KIT: variants seen among roughly 807,000 people sequenced by gnomAD.
The protein encoded by KIT is mast/stem cell growth factor receptor Kit.
A neutral mutation model predicts 105.7 loss-of-function variants in KIT; 16 were observed. The ratio of observed to expected loss-of-function variants is 0.15; its 90% CI spans 0.10 to 0.23. KIT has a LOEUF of 0.23. Ranked by LOEUF, KIT falls within the 10% of genes least tolerant of loss-of-function variation. The probability of loss-of-function intolerance (pLI) is 1.00; values close to 1 mark genes in which losing one functional copy is unlikely to be tolerated. For missense variants in KIT, 858 were observed against 1,213.8 expected (o/e 0.71, Z 4.36); for synonymous variants, 438 against 441.1 (o/e 0.99, Z 0.09).
intron 1 of KIT, among the ~76,000 whole-genome samples, chr4:54,671,172 G>T (rs1393315549): frequency 6.6e-6 from 1 of 152,156 alleles, no homozygotes; most frequent in Non-Finnish European, 1.5e-5. Context: ...TCCATGAAAT[G>T]ATAAGCTCTC....
At chr4:54,733,367 C>T (rs757471689) in intron 17 of KIT, 175 bp downstream of exon 17, 1 of 610,994 alleles carries the variant, frequency 1.6e-6, no homozygotes, top group Non-Finnish European at 2.9e-6. Context: ...AACATTACTA[C>T]AACTAACATT....
chr4:54,668,645 C>G (rs1178867166), intron 1 of KIT, among the ~76,000 whole-genome samples: 1 of 152,174 alleles, frequency 6.6e-6, no homozygotes, highest in Non-Finnish European at 1.5e-5. Context: ...AGAAGTATTT[C>G]TAGAACAGGA....
intron 1 of KIT, among the ~76,000 whole-genome samples, chr4:54,668,522 A>C (rs1005567442): frequency 6.6e-6 from 1 of 152,256 alleles, no homozygotes; most frequent in Non-Finnish European, 1.5e-5. Context: ...AGTAATTTAA[A>C]TATAATGGCC....
chr4:54,724,492 G>A (rs540399576), intron 8 of KIT, among the ~76,000 whole-genome samples: 2 of 152,294 alleles, frequency 1.3e-5, no homozygotes, highest in Admixed American at 1.3e-4. Flanking sequence ...ATACTAAGTA[G>A]GGTTCAAGGC....
At chr4:54,658,913 C>T (rs3756197) in intron 1 of KIT, among the ~76,000 whole-genome samples, 45,736 of 152,122 alleles carry the variant, frequency 0.3, 7,654 homozygotes, top group Admixed American at 0.41. Flanking sequence ...CCCGGGGCGG[C>T]TGGAGGCTGT....
Position 54,727,875 on chromosome 4 carries a change from T to C in KIT, c.1827T>C (p.Tyr609=). 6.2e-7 allele frequency: 1 copy of C among 1,613,982 alleles called. No homozygotes were observed. Among genetic ancestry groups the C allele is most frequent in the Non-Finnish European group, 8.5e-7 (1 of 1,180,006 alleles). ...AFGKVVEATA[Y]GLIKSDAAMT... ...GGAAGGTTGTTGAGGCAACTGCTTATGGCTTAATTAAGTCAGATGCGGCCA... is the reference window on the plus strand; with the variant it reads ...GGAAGGTTGTTGAGGCAACTGCTTACGGCTTAATTAAGTCAGATGCGGCCA... The change falls in exon 12 of 21, where the codon TAT becomes TAC. Residue 609 remains tyrosine, a synonymous_variant. Transcript: ENST00000288135.
At chr4:54,669,333 A>G (rs1717935405) in intron 1 of KIT, among the ~76,000 whole-genome samples, 1 of 152,122 alleles carries the variant, frequency 6.6e-6, no homozygotes, top group African/African-American at 2.4e-5. Flanking sequence ...ATTATTTAAC[A>G]TGATCATCTT....
rs146992614 is a variant in KIT at position 54,736,515 on chromosome 4, G to A, written c.2502G>A (p.Lys834=). 43 of 1,613,578 alleles carry A rather than the reference G, an allele frequency of 2.7e-5. No homozygotes were observed. In the African/African-American group the frequency reaches 5.2e-4, roughly 20 times the overall value. Residue 834 remains lysine, a synonymous_variant, in exon 18 of 21, where the codon AAG becomes AAA. Coordinates refer to ENST00000288135, the MANE Select transcript of KIT (RefSeq NM_000222.3). ...VVKGNARLPV[K]WMAPESIFNC... ...TATTACAGGCTCGACTACCTGTGAA[G>A]TGGATGGCACCTGAAAGCATTTTCA...
chr4:54,670,592 G>T (rs1463661422), intron 1 of KIT, among the ~76,000 whole-genome samples: 1 of 152,180 alleles, frequency 6.6e-6, no homozygotes, highest in Admixed American at 6.5e-5. Flanking sequence ...AGACTGGAAG[G>T]CCTCAGAAGC....
intron 6 of KIT, 62 bp downstream of exon 6, chr4:54,707,349 G>C (rs1356444279): frequency 1.7e-6 from 2 of 1,199,040 alleles, no homozygotes; most frequent in African/African-American, 3.0e-5. Flanking sequence ...GGGCTTATCA[G>C]ATCTTATTTC....
intron 1 of KIT, among the ~76,000 whole-genome samples, chr4:54,677,681 C>G (rs1051425346): frequency 4.6e-5 from 7 of 152,168 alleles, no homozygotes; most frequent in African/African-American, 1.7e-4. Context: ...ACTCCTTTGC[C>G]TTTTAGTCAA....
intron 11 of KIT, 123 bp from the exon 12 acceptor site, chr4:54,727,700 T>C (rs1354806474): frequency 6.3e-6 from 8 of 1,268,046 alleles, no homozygotes; most frequent in African/African-American, 1.5e-5. Context: ...GAGAACATCG[T>C]AGGAAAATGT....
intron 1 of KIT, among the ~76,000 whole-genome samples, chr4:54,670,779 C>T (rs892028535): frequency 3.3e-5 from 5 of 152,168 alleles, no homozygotes; most frequent in Admixed American, 6.5e-5. Context: ...CCCTCATTCC[C>T]GAGGGGTCCT....
At chr4:54,677,480 G>A (rs923044854) in intron 1 of KIT, among the ~76,000 whole-genome samples, 1 of 152,152 alleles carries the variant, frequency 6.6e-6, no homozygotes, top group East Asian at 1.9e-4. Context: ...CATAATACAT[G>A]GGTCAGAAGC....
intron 1 of KIT, among the ~76,000 whole-genome samples, chr4:54,667,515 C>T (rs779312300): frequency 2.0e-5 from 3 of 151,882 alleles, no homozygotes; most frequent in Non-Finnish European, 2.9e-5. Flanking sequence ...CTTGAATGGC[C>T]AATTGAAAGG....
intron 6 of KIT, among the ~76,000 whole-genome samples, chr4:54,708,867 G>T (rs1018083240): frequency 6.6e-6 from 1 of 152,174 alleles, no homozygotes; most frequent in African/African-American, 2.4e-5. Context: ...CTATATGGCG[G>T]TCCTGCAAGA....
intron 1 of KIT, among the ~76,000 whole-genome samples, chr4:54,681,989 A>G (rs887910007): frequency 2.6e-5 from 4 of 152,164 alleles, no homozygotes; most frequent in African/African-American, 4.8e-5. Context: ...AAACAAAAAC[A>G]AAGTAGATGT....
At chr4:54,723,242 AT>A (rs1722003690) in intron 7 of KIT, among the ~76,000 whole-genome samples, 1 of 152,040 alleles carries the variant, frequency 6.6e-6, no homozygotes, top group Admixed American at 6.6e-5. Flanking sequence ...TTTAAAGTAG[AT>A]TTTTACCTGT....
At chr4:54,673,389 T>C (rs535868936) in intron 1 of KIT, among the ~76,000 whole-genome samples, 3 of 152,354 alleles carry the variant, frequency 2.0e-5, no homozygotes, top group East Asian at 3.9e-4. Context: ...TTCTGGTTCA[T>C]TTAAGACACT....
Sources: allele counts gnomAD v4.1 joint callset (sites outside exome capture counted in the v4.1 genomes callset), GRCh38; gene constraint gnomAD v4.1.1; transcripts MANE v1.5; gene names NCBI Gene and HGNC (gene_info 2026-07-23, HGNC 2026-07-21).